ADGRV1: variants seen among roughly 807,000 people sequenced by gnomAD.
ADGRV1 encodes the protein adhesion G protein-coupled receptor V1, also known as G-protein coupled receptor 98.
Under a neutral mutation model 596.2 loss-of-function variants are expected in ADGRV1, and 359 were observed. The ratio of observed to expected loss-of-function variants is 0.60; its 90% CI spans 0.55 to 0.66. The LOEUF (loss-of-function observed/expected upper bound fraction) is 0.66. ADGRV1 is among the 30% of genes least tolerant of loss of function. The pLI is 0.00. For synonymous variants in ADGRV1, 2,681 were observed against 2,679.2 expected (o/e 1.00, Z -0.02); for missense variants, 7,274 against 7,575.6 (o/e 0.96, Z 1.48).
intron 1 of ADGRV1, among the ~76,000 whole-genome samples, chr5:90,567,912 G>C (rs1755858765): frequency 6.6e-6 from 1 of 151,772 alleles, no homozygotes; most frequent in Non-Finnish European, 1.5e-5. Context: ...GCTAATTTTT[G>C]TATTTTTAGT....
chr5:90,700,141 G>T (rs1257447949), intron 34 of ADGRV1, among the ~76,000 whole-genome samples: 1 of 152,108 alleles, frequency 6.6e-6, no homozygotes, highest in Non-Finnish European at 1.5e-5. Flanking sequence ...ATTGCACAGA[G>T]AAATGTGTAT....
At chr5:90,675,999 A>C in intron 24 of ADGRV1, 81 bp from the exon 25 acceptor site, 4 of 1,122,158 alleles carry the variant, frequency 3.6e-6, no homozygotes, top group Non-Finnish European at 4.9e-6. Flanking sequence ...TTCTGATTTT[A>C]CAAATTTGTG....
At chr5:90,646,163 T>G (rs1008455248) in intron 16 of ADGRV1, 72 bp downstream of exon 16, 16 of 1,084,976 alleles carry the variant, frequency 1.5e-5, no homozygotes, top group Non-Finnish European at 2.0e-5. Flanking sequence ...TATATGCACG[T>G]GCATATATAC....
At chr5:90,821,770 C>A (rs896178034) in intron 75 of ADGRV1, among the ~76,000 whole-genome samples, 1 of 151,958 alleles carries the variant, frequency 6.6e-6, no homozygotes, top group Non-Finnish European at 1.5e-5. Flanking sequence ...GCAGTCTGCC[C>A]GTTCTCAGAT....
chr5:90,837,110 C>T (rs1045056662), intron 77 of ADGRV1, among the ~76,000 whole-genome samples: 35 of 152,196 alleles, frequency 2.3e-4, no homozygotes, highest in African/African-American at 7.5e-4. Flanking sequence ...GCATCTGTGG[C>T]TTATATCTAA....
At chr5:91,084,758 T>C (rs564637211) in intron 86 of ADGRV1, among the ~76,000 whole-genome samples, 1 of 152,348 alleles carries the variant, frequency 6.6e-6, no homozygotes, top group South Asian at 2.1e-4. Flanking sequence ...TAAATCATGC[T>C]ACTATGAAGA....
At chr5:90,708,114 T>A (rs1350355294) in intron 38 of ADGRV1, among the ~76,000 whole-genome samples, 1 of 152,162 alleles carries the variant, frequency 6.6e-6, no homozygotes, top group Non-Finnish European at 1.5e-5. Context: ...TGCATAAATA[T>A]ACATACACAT....
chr5:90,922,589 A>G (rs1422768501), intron 83 of ADGRV1, among the ~76,000 whole-genome samples: 2 of 152,164 alleles, frequency 1.3e-5, no homozygotes, highest in East Asian at 1.9e-4. Context: ...ACCTCCTATC[A>G]GTAGCTTTCC....
chr5:90,727,421 A>G (rs938233546), intron 48 of ADGRV1, among the ~76,000 whole-genome samples: 59 of 152,054 alleles, frequency 3.9e-4, no homozygotes, highest in Non-Finnish European at 3.7e-4. Context: ...GGTCCCCATT[A>G]TTTCTCTTCC....
rs375679265 is a variant in ADGRV1 at position 90,608,709 on chromosome 5, T to C, written c.23-6126T>C. The stretch of plus-strand genomic sequence containing the variant: ...CATCAAAACAAGGGAATAAACCAAA[T>C]AAACTACTAAGGAAGAAGAAAACAT... On this transcript the variant is annotated intron_variant, in intron 1 of 89. Coordinates refer to ENST00000405460, the MANE Select transcript of ADGRV1 (RefSeq NM_032119.4). Among the ~76,000 whole-genome samples the C allele has an allele frequency of 2.6e-5, 4 of 151,940 alleles. No individual in the cohort carries two copies. In the East Asian group the frequency reaches 7.7e-4, roughly 29 times the overall value.
chr5:91,072,966 T>G (rs16869414), intron 86 of ADGRV1, among the ~76,000 whole-genome samples: 1 of 152,072 alleles, frequency 6.6e-6, no homozygotes, highest in East Asian at 1.9e-4. Context: ...TCTGCACAGT[T>G]TAACAAACCT....
rs74327115 is a variant in ADGRV1 at position 90,755,077 on chromosome 5, G to T, written c.11472G>T (p.Leu3824=). The T allele has an allele frequency of 1.9e-6, 3 of 1,610,466 alleles. No homozygotes were observed. Among genetic ancestry groups the T allele is most frequent in the Non-Finnish European group, 2.5e-6 (3 of 1,176,980 alleles). The change falls in exon 55 of 90, where the codon CTG becomes CTT. Residue 3824 remains leucine, a synonymous_variant. Transcript: ENST00000405460. ...TGAGAGCTCAACCCAATTTCTTACTGCATGTCGATAATCAAGCTACTGAGA... is the reference window on the plus strand; with the variant it reads ...TGAGAGCTCAACCCAATTTCTTACTTCATGTCGATAATCAAGCTACTGAGA... ...IHLRAQPNFL[L]HVDNQATENE... is the part of the protein sequence containing the mutation.
intron 58 of ADGRV1, among the ~76,000 whole-genome samples, chr5:90,760,580 A>G (rs1048537914): frequency 2.0e-5 from 3 of 152,152 alleles, no homozygotes; most frequent in South Asian, 2.1e-4. Context: ...ACATCCCACA[A>G]TGGGTTTATC....
chr5:90,750,637 T>G lies in ADGRV1; in HGVS notation c.11061T>G (p.Arg3687=), dbSNP rs1258114688. Residue 3687 remains arginine, a synonymous_variant, in exon 53 of 90, where the codon CGT becomes CGG. Transcript: ENST00000405460. ...AACGCTTAAAAGGAACATATGGCCGTATAACCATAGCATGGGAAGCTGATG... is the reference window on the plus strand; with the variant it reads ...AACGCTTAAAAGGAACATATGGCCGGATAACCATAGCATGGGAAGCTGATG... The part of the protein sequence containing the change: ...NVERLKGTYG[R]ITIAWEADGS... 2.0e-5 allele frequency: 33 copies of G among 1,612,550 alleles called. No homozygotes were observed. The Admixed American group carries it at 5.5e-4, about 27-fold the overall frequency.
chr5:90,789,009 G>A (rs1472905902), intron 68 of ADGRV1, among the ~76,000 whole-genome samples: 2 of 152,226 alleles, frequency 1.3e-5, no homozygotes, highest in Middle Eastern at 3.4e-3. Flanking sequence ...GGAAACTCAG[G>A]AAAGAGTTGA....
At chr5:90,688,158 A>C (rs1745942161) in intron 29 of ADGRV1, among the ~76,000 whole-genome samples, 1 of 152,152 alleles carries the variant, frequency 6.6e-6, no homozygotes, top group African/African-American at 2.4e-5. Context: ...CTACAAGGCT[A>C]CAGTAACCAA....
chr5:90,837,442 C>T (rs1025742885), intron 77 of ADGRV1, among the ~76,000 whole-genome samples: 58 of 149,322 alleles, frequency 3.9e-4, no homozygotes, highest in African/African-American at 1.3e-3. Context: ...GCGATCTTGG[C>T]TCACTGCAAC....
chr5:90,758,068 G>A (rs768048060), intron 57 of ADGRV1, among the ~76,000 whole-genome samples: 91 of 152,116 alleles, frequency 6.0e-4, no homozygotes, highest in Admixed American at 7.2e-4. Flanking sequence ...AGTAAAAAGA[G>A]TGGAATGCAA....
At position 90,592,876 on chromosome 5, in the gene ADGRV1, T is replaced by C. The variant is rs982556668; in HGVS notation, c.23-21959T>C. On this transcript the variant is annotated intron_variant, in intron 1 of 89. Transcript: ENST00000405460. The stretch of plus-strand genomic sequence containing the variant: ...TCATCATCACTGGTCATCAGAGAAA[T>C]GCAAATCAAAACCAGAATGAGATAC... Among the ~76,000 whole-genome samples the C allele has an allele frequency of 2.6e-5, 4 of 152,092 alleles. No individual in the cohort carries two copies. The South Asian group carries it at 6.2e-4, about 24-fold the overall frequency.
Sources: allele counts gnomAD v4.1 joint callset (sites outside exome capture counted in the v4.1 genomes callset), GRCh38; gene constraint gnomAD v4.1.1; transcripts MANE v1.5; gene names NCBI Gene and HGNC (gene_info 2026-07-23, HGNC 2026-07-21).